The following SUMF1 variants were observed in gnomAD, a reference collection of about 807,000 sequenced individuals.
The protein encoded by SUMF1 is formylglycine-generating enzyme.
Under a neutral mutation model 47.6 loss-of-function variants are expected in SUMF1, and 48 were observed. The ratio of observed to expected loss-of-function variants is 1.01; its 90% CI spans 0.80 to 1.28. The LOEUF (loss-of-function observed/expected upper bound fraction) is 1.28, where lower values mean the gene tolerates loss of function less well. Among genes scored for constraint, SUMF1 ranks in the 50% most tolerant of loss-of-function variants. SUMF1 has a pLI of 0.00. For missense variants in SUMF1, 571 were observed against 485.4 expected, an observed-to-expected ratio of 1.18 and a Z score of -1.66; for synonymous variants, 230 against 192.1, an observed-to-expected ratio of 1.20 and a Z score of -1.63.
At chr3:4,462,727 A>G (rs1211545056) in intron 1 of SUMF1, among the ~76,000 whole-genome samples, 3 of 152,218 alleles carry the variant, frequency 2.0e-5, no homozygotes, top group Non-Finnish European at 4.4e-5. Context: ...CTAAAGGTTC[A>G]TGAGAAAGCT....
intron 8 of SUMF1, among the ~76,000 whole-genome samples, chr3:4,282,365 G>A (rs2125046975): frequency 6.6e-6 from 1 of 152,242 alleles, no homozygotes; most frequent in African/African-American, 2.4e-5. Context: ...CTTTTAAAGG[G>A]AAGAAATATA....
At chr3:4,392,119 C>T (rs536440263) in intron 7 of SUMF1, among the ~76,000 whole-genome samples, 1 of 152,276 alleles carries the variant, frequency 6.6e-6, no homozygotes, top group East Asian at 1.9e-4. Flanking sequence ...TGAGCCACTG[C>T]ACCTGTCCTG....
At chr3:4,304,025 G>GTTCCACTGTACGC in intron 8 of SUMF1, 1 of 279,990 alleles carries the variant, frequency 3.6e-6, no homozygotes, top group Non-Finnish European at 6.8e-6. Flanking sequence ...CCAGCGTACA[G>GTTCCACTGTACGC]TGGAACAGTA....
chr3:4,349,417 A>G (rs1455116472), intron 8 of SUMF1, among the ~76,000 whole-genome samples: 1 of 152,210 alleles, frequency 6.6e-6, no homozygotes, highest in African/African-American at 2.4e-5. Flanking sequence ...ATTGTGGAAG[A>G]CAGTATGGTG....
intron 8 of SUMF1, among the ~76,000 whole-genome samples, chr3:4,342,854 G>T (rs1313736117): frequency 3.3e-5 from 5 of 152,198 alleles, no homozygotes; most frequent in African/African-American, 7.2e-5. Flanking sequence ...CTGTCCTAAA[G>T]TCTCCAGGCA....
chr3:4,351,046 C>A (rs1478609059), intron 8 of SUMF1, among the ~76,000 whole-genome samples: 1 of 152,110 alleles, frequency 6.6e-6, no homozygotes, highest in Non-Finnish European at 1.5e-5. Context: ...GAAAACCATA[C>A]CCACAGACGG....
chr3:4,461,101 T>A (rs188136073), intron 1 of SUMF1, among the ~76,000 whole-genome samples: 43 of 152,282 alleles, frequency 2.8e-4, no homozygotes, highest in African/African-American at 9.6e-4. Context: ...TTGAATGAGG[T>A]CATGACTGTA....
At chr3:4,393,783 T>A (rs892895966) in intron 7 of SUMF1, among the ~76,000 whole-genome samples, 1 of 152,158 alleles carries the variant, frequency 6.6e-6, no homozygotes, top group African/African-American at 2.4e-5. Context: ...TCAACACTTC[T>A]CAATTTATCA....
intron 8 of SUMF1, among the ~76,000 whole-genome samples, chr3:4,208,556 A>AT (rs895963733): frequency 2.8e-4 from 42 of 152,004 alleles, no homozygotes; most frequent in African/African-American, 9.9e-4. Context: ...TCAGACTAGG[A>AT]TTTTTTTAAC....
chr3:4,093,679 A>C (rs1692838463), intron 8 of SUMF1, among the ~76,000 whole-genome samples: 1 of 152,166 alleles, frequency 6.6e-6, no homozygotes, highest in African/African-American at 2.4e-5. Context: ...GGAAACAATA[A>C]GGGAAAAGGC....
intron 3 of SUMF1, among the ~76,000 whole-genome samples, chr3:4,431,724 G>A (rs1287277124): frequency 1.3e-5 from 2 of 152,230 alleles, no homozygotes; most frequent in African/African-American, 4.8e-5. Context: ...GTGAGGCCAA[G>A]CTAGCCCTGA....
At chr3:4,120,227 G>C (rs1046033159) in intron 8 of SUMF1, among the ~76,000 whole-genome samples, 1 of 151,984 alleles carries the variant, frequency 6.6e-6, no homozygotes, top group Non-Finnish European at 1.5e-5. Context: ...GAAACCAAAA[G>C]CCATATATTA....
chr3:4,303,586 C>G (rs1222673872), intron 8 of SUMF1: 40 of 1,377,720 alleles, frequency 2.9e-5, no homozygotes, highest in Non-Finnish European at 3.7e-5. Context: ...GTGGTCTCCT[C>G]AAGCCGCCTC....
chr3:4,299,448 G>T (rs1697919776), intron 8 of SUMF1, among the ~76,000 whole-genome samples: 1 of 152,230 alleles, frequency 6.6e-6, no homozygotes, highest in South Asian at 2.1e-4. Flanking sequence ...AACCTGAAAT[G>T]ACCCTGTGGT....
chr3:4,250,626 G>C (rs1212989801), intron 8 of SUMF1, among the ~76,000 whole-genome samples: 1 of 152,112 alleles, frequency 6.6e-6, no homozygotes, highest in Non-Finnish European at 1.5e-5. Context: ...TCAAAGAATA[G>C]GCAGACTCTC....
chr3:4,453,951 T>C (rs536512577), intron 1 of SUMF1, among the ~76,000 whole-genome samples: 103 of 152,140 alleles, frequency 6.8e-4, no homozygotes, highest in Non-Finnish European at 1.2e-3. Flanking sequence ...TTATGAGCCA[T>C]TGTGCCCAGC....
intron 8 of SUMF1, among the ~76,000 whole-genome samples, chr3:4,249,526 T>C (rs1696745903): frequency 6.6e-6 from 1 of 152,176 alleles, no homozygotes. Context: ...GCACCACAAA[T>C]CACGTCCATA....
At position 4,355,744 on chromosome 3, in the gene SUMF1, C is replaced by T. The variant is rs1046567311; in HGVS notation, c.1014+20586G>A. Reference sequence around the variant, plus strand: ...AGGGGTTTGTCAAATATGGCCCAGACCCAAGGGCGGGAGAGCAATCCTATC... The same window carrying T: ...AGGGGTTTGTCAAATATGGCCCAGATCCAAGGGCGGGAGAGCAATCCTATC... On this transcript the variant is annotated intron_variant and NMD_transcript_variant, in intron 8 of 12. Transcript: ENST00000448413. Among the ~76,000 whole-genome samples the T allele has an allele frequency of 3.3e-5, 5 of 152,172 alleles. No individual in the cohort carries two copies. The South Asian group carries it at 6.2e-4, about 19-fold the overall frequency.
chr3:4,316,962 C>T (rs1301478016), intron 8 of SUMF1: 34 of 1,549,262 alleles, frequency 2.2e-5, no homozygotes, highest in South Asian at 9.5e-5. Context: ...CGACAATGCC[C>T]GACCGCATGT....
Sources: allele counts gnomAD v4.1 joint callset (sites outside exome capture counted in the v4.1 genomes callset), GRCh38; gene constraint gnomAD v4.1.1; transcripts MANE v1.5; gene names NCBI Gene and HGNC (gene_info 2026-07-23, HGNC 2026-07-21).